The following UGT2B4 variants were observed in gnomAD, a reference collection of about 807,000 sequenced individuals.
UGT2B4 encodes the protein UDP glucuronosyltransferase family 2 member B4.
UGT2B4 carries 49 observed loss-of-function variants against 49.8 expected under a neutral mutation model. The observed-to-expected ratio is 0.98, with a 90% CI of 0.78 to 1.25. UGT2B4 has a LOEUF of 1.25. Ranked by LOEUF, UGT2B4 falls within the 50% of genes most tolerant of loss-of-function variation. UGT2B4 has a pLI of 0.00. For missense variants in UGT2B4, 729 were observed against 627.7 expected (o/e 1.16, Z -1.73); for synonymous variants, 246 against 217.7 (o/e 1.13, Z -1.14).
Position 69,520,827 on chromosome 4 carries a change from G to A in UGT2B4, c.-106+4860C>T, listed in dbSNP as rs141293534. Among the ~76,000 whole-genome samples, 88 of 152,276 alleles carry A rather than the reference G, an allele frequency of 5.8e-4. 1 individual carries two copies. In the East Asian group the frequency reaches 0.011, roughly 20 times the overall value. Reference sequence around the variant, plus strand: ...TGACTTGTTCATGGCACAGGAGACAGACAGACTCCTGGGCGGTAAGAGGCA... The same window carrying A: ...TGACTTGTTCATGGCACAGGAGACAAACAGACTCCTGGGCGGTAAGAGGCA... On this transcript the variant is annotated intron_variant, in intron 1 of 1. Transcript: ENST00000510114.
At chr4:69,502,091 C>CTCTCTT (rs1553896639) in intron 1 of UGT2B4, among the ~76,000 whole-genome samples, 2 of 108,418 alleles carry the variant, frequency 1.8e-5, no homozygotes, top group Non-Finnish European at 3.9e-5. Context: ...TTCTTTCTCT[C>CTCTCTT]TCTTTCTTTC....
intron 3 of UGT2B4, among the ~76,000 whole-genome samples, chr4:69,489,133 G>A (rs955342148): frequency 2.6e-5 from 4 of 152,020 alleles, no homozygotes; most frequent in Non-Finnish European, 5.9e-5. Flanking sequence ...AATCACAGGG[G>A]CAGAATTTGG....
chr4:69,496,006 G>T, upstream of UGT2B4: 1 of 1,310,862 alleles, frequency 7.6e-7, no homozygotes, highest in Non-Finnish European at 1.0e-6. Context: ...CTGAGCATGT[G>T]GATGACAAAG....
intron 2 of UGT2B4, among the ~76,000 whole-genome samples, chr4:69,491,858 C>T (rs986870917): frequency 2.3e-4 from 35 of 151,964 alleles, no homozygotes; most frequent in African/African-American, 8.2e-4. Flanking sequence ...ATATAAAGCC[C>T]ATACAATTTG....
chr4:69,514,043 G>GA (rs1275605880), intron 1 of UGT2B4, among the ~76,000 whole-genome samples: 1 of 151,288 alleles, frequency 6.6e-6, no homozygotes. Flanking sequence ...TGCCTAGAAT[G>GA]AAATCTGAAT....
At position 69,489,435 on chromosome 4, in the gene UGT2B4, T is replaced by A; in HGVS notation, c.1002+4A>T. ...TTTTACACCATTAAAACATTTTATCTTACCTTTTGTGGGATCTTGGCAAGG... is the reference window on the plus strand; with the variant it reads ...TTTTACACCATTAAAACATTTTATCATACCTTTTGTGGGATCTTGGCAAGG... On this transcript the variant is annotated splice_donor_region_variant and intron_variant, in intron 3 of 5. Transcript: ENST00000305107. 1 of 1,609,814 alleles carries A rather than the reference T, an allele frequency of 6.2e-7. No individual in the cohort carries two copies. The highest frequency in any genetic ancestry group is 8.5e-7 in the Non-Finnish European group (1 of 1,177,290).
intron 1 of UGT2B4, among the ~76,000 whole-genome samples, chr4:69,520,922 G>A (rs1393666232): frequency 6.6e-6 from 1 of 152,202 alleles, no homozygotes; most frequent in Non-Finnish European, 1.5e-5. Flanking sequence ...GTCAGTTGAA[G>A]ATGAAGGCTG....
chr4:69,495,947 G>T, upstream of UGT2B4: 1 of 1,506,166 alleles, frequency 6.6e-7, no homozygotes, highest in African/African-American at 1.4e-5. Context: ...CAGTCAAGAA[G>T]TTAAAATGTA....
intron 5 of UGT2B4, among the ~76,000 whole-genome samples, chr4:69,481,775 A>G (rs1159338385): frequency 6.6e-6 from 1 of 152,236 alleles, no homozygotes; most frequent in Non-Finnish European, 1.5e-5. Context: ...TTTGAGAATT[A>G]TCATCTTTAA....
At chr4:69,501,210 T>G (rs1011565026) in intron 1 of UGT2B4, among the ~76,000 whole-genome samples, 1 of 145,394 alleles carries the variant, frequency 6.9e-6, no homozygotes. Context: ...TTAGCTGTTC[T>G]GCCATTTGAG....
chr4:69,480,926 A>C lies in UGT2B4; in HGVS notation c.1311-16T>G, dbSNP rs199822896. ...CTCTTTATATCTAAACGATAAGCAG[A>C]AAAGTATCAACATTGAAAGTAAGTT... On this transcript the variant is annotated splice_polypyrimidine_tract_variant and intron_variant, in intron 5 of 5. Transcript: ENST00000305107. 1 of 1,610,758 alleles carries C rather than the reference A, an allele frequency of 6.2e-7. No individual in the cohort carries two copies. Among genetic ancestry groups the C allele is most frequent in the Non-Finnish European group, 8.5e-7 (1 of 1,177,650 alleles).
chr4:69,499,413 T>C (rs190402324), upstream of UGT2B4, among the ~76,000 whole-genome samples: 9 of 152,246 alleles, frequency 5.9e-5, no homozygotes, highest in African/African-American at 2.2e-4. Context: ...GTCCTGAACA[T>C]TGTTGTTAAT....
chr4:69,508,421 G>C (rs1170690651), intron 1 of UGT2B4, among the ~76,000 whole-genome samples: 1 of 152,044 alleles, frequency 6.6e-6, no homozygotes, highest in Non-Finnish European at 1.5e-5. Context: ...TTGCAGCACT[G>C]TTCACAATAG....
At chr4:69,497,078 G>T (rs1728188639), upstream of UGT2B4, among the ~76,000 whole-genome samples, 2 of 152,134 alleles carry the variant, frequency 1.3e-5, no homozygotes, top group South Asian at 4.1e-4. Flanking sequence ...ATTGTTACAA[G>T]ATTAAAGTTC....
intron 1 of UGT2B4, among the ~76,000 whole-genome samples, chr4:69,501,905 G>T (rs932089812): frequency 7.9e-5 from 12 of 152,090 alleles, no homozygotes; most frequent in African/African-American, 2.7e-4. Flanking sequence ...GGTGGAGTGG[G>T]CTCATGAGGG....
At chr4:69,504,652 A>G (rs1469541190) in intron 1 of UGT2B4, among the ~76,000 whole-genome samples, 1 of 143,416 alleles carries the variant, frequency 7.0e-6, no homozygotes, top group East Asian at 2.2e-4. Context: ...ATATGGGGAC[A>G]ATGGAATCAA....
In UGT2B4 at chr4:69,480,456, C is replaced by T. The variant is rs1727549682; in HGVS notation, c.*178G>A. ...TTTTCCCTAATGTTTTCCTCCTTGA[C>T]ATGAAATATTTCTAATGGTTAAACA... is the stretch of plus-strand genomic sequence containing the variant. On this transcript the variant is annotated 3_prime_UTR_variant, in exon 6 of 6. Transcript: ENST00000305107. 2.3e-6 allele frequency: 2 copies of T among 877,738 alleles called. No homozygotes were observed. The highest frequency in any genetic ancestry group is 3.3e-6 in the Non-Finnish European group (2 of 597,630). 54.4% of individuals were successfully genotyped at this position (877,738 alleles called of 1,614,324 possible).
upstream of UGT2B4, among the ~76,000 whole-genome samples, chr4:69,500,665 G>GAA (rs1560438445): frequency 1.7e-5 from 2 of 116,728 alleles, no homozygotes. Context: ...AAGAAAGAAA[G>GAA]AAAGGAAGGA....
chr4:69,485,306 T>C lies in UGT2B4; in HGVS notation c.1212A>G (p.Ala404=), dbSNP rs41297431. ...CAGCTGCTCCCTTGGCCTTCATGTG[T>C]GCAATGTTATCAGGTTGATCTGCAA... is the stretch of plus-strand genomic sequence containing the variant. ...PLFADQPDNI[A]HMKAKGAAVS... The change falls in exon 5 of 6, where the codon GCA becomes GCG. Residue 404 remains alanine, a synonymous_variant. Transcript: ENST00000305107. 1.5e-5 allele frequency: 25 copies of C among 1,613,926 alleles called. No homozygotes were observed. The highest frequency in any genetic ancestry group is 2.1e-5 in the Non-Finnish European group (25 of 1,179,956).
Sources: gnomAD v4.1 joint callset for allele counts (sites outside exome capture counted in the v4.1 genomes callset) on GRCh38, gnomAD v4.1.1 for gene constraint, MANE v1.5 for transcripts, NCBI Gene and HGNC (gene_info 2026-07-23, HGNC 2026-07-21) for gene names.